Variants in PLCL1 observed in about 807,000 individuals in gnomAD.
PLCL1 encodes the protein phospholipase C like 1 (inactive).
Under a neutral mutation model 84.4 loss-of-function variants are expected in PLCL1, and 41 were observed. The observed-to-expected ratio is 0.49, with a 90% CI of 0.38 to 0.63. The LOEUF is 0.63. Among genes scored for constraint, PLCL1 ranks in the 30% least tolerant of loss-of-function variants. The pLI, the probability that PLCL1 is intolerant of heterozygous loss-of-function variation, is 0.00. For synonymous variants in PLCL1, 490 were observed against 488.3 expected, an observed-to-expected ratio of 1.00 and a Z score of -0.05; for missense variants, 1,206 against 1,367.8, an observed-to-expected ratio of 0.88 and a Z score of 1.87.
intron 1 of PLCL1, among the ~76,000 whole-genome samples, chr2:198,041,020 C>T (rs1439096483): frequency 6.6e-6 from 1 of 152,148 alleles, no homozygotes; most frequent in Non-Finnish European, 1.5e-5. Context: ...GCATAAGTTG[C>T]TCCCAGTTTG....
At chr2:198,100,971 G>A (rs1438653665) in intron 3 of PLCL1, among the ~76,000 whole-genome samples, 1 of 151,988 alleles carries the variant, frequency 6.6e-6, no homozygotes, top group Non-Finnish European at 1.5e-5. Flanking sequence ...TTAAGGGAGT[G>A]GAATTAGGTA....
intron 1 of PLCL1, among the ~76,000 whole-genome samples, chr2:197,973,762 G>A (rs1227642260): frequency 6.6e-6 from 1 of 152,214 alleles, no homozygotes; most frequent in African/African-American, 2.4e-5. Context: ...GGGCAGGCGT[G>A]AGGTCAAGTG....
chr2:197,990,997 CG>C (rs1690335529), intron 1 of PLCL1, among the ~76,000 whole-genome samples: 2 of 152,156 alleles, frequency 1.3e-5, no homozygotes, highest in Non-Finnish European at 2.9e-5. Flanking sequence ...GTTAATTTTA[CG>C]GTCAATTTGA....
intron 1 of PLCL1, among the ~76,000 whole-genome samples, chr2:197,922,364 G>C (rs1161320718): frequency 1.0e-5 from 1 of 98,078 alleles, no homozygotes; most frequent in Non-Finnish European, 2.1e-5. Flanking sequence ...CAAGGCAGAA[G>C]AATTTTTCTT....
chr2:198,020,438 C>T (rs1334234771), intron 1 of PLCL1, among the ~76,000 whole-genome samples: 1 of 151,986 alleles, frequency 6.6e-6, no homozygotes, highest in African/African-American at 2.4e-5. Context: ...AAGACACAGA[C>T]TGGCAAATTG....
In PLCL1 at chr2:197,989,545, G is replaced by C. The variant is rs527533403; in HGVS notation, c.241-94213G>C. Among the ~76,000 whole-genome samples, 12 of 152,212 alleles carry C rather than the reference G, an allele frequency of 7.9e-5. No individual in the cohort carries two copies. In the South Asian group the frequency reaches 2.3e-3, roughly 29 times the overall value. On this transcript the variant is annotated intron_variant, in intron 1 of 5. Coordinates refer to ENST00000428675, the MANE Select transcript of PLCL1 (RefSeq NM_006226.4). ...AGAGATGGTTTCCAAAACTGACCAA[G>C]TGAGCTTGGTGCTAAGATCATAATA... is the stretch of plus-strand genomic sequence containing the variant.
intron 5 of PLCL1, among the ~76,000 whole-genome samples, chr2:198,139,014 G>A (rs1364621423): frequency 6.6e-6 from 1 of 152,106 alleles, no homozygotes; most frequent in Non-Finnish European, 1.5e-5. Context: ...AATCAACTGG[G>A]TCTGGTGGCC....
chr2:198,025,160 T>G (rs1691233755), intron 1 of PLCL1, among the ~76,000 whole-genome samples: 1 of 152,124 alleles, frequency 6.6e-6, no homozygotes, highest in Non-Finnish European at 1.5e-5. Flanking sequence ...CAAGGTACAT[T>G]TGGAGTATTC....
At chr2:197,998,709 T>C (rs1454029974) in intron 1 of PLCL1, among the ~76,000 whole-genome samples, 1 of 152,168 alleles carries the variant, frequency 6.6e-6, no homozygotes, top group Non-Finnish European at 1.5e-5. Context: ...AATGAATTTG[T>C]CCTTCTGCCT....
chr2:197,882,030 T>C (rs557600217), intron 1 of PLCL1, among the ~76,000 whole-genome samples: 86 of 152,190 alleles, frequency 5.7e-4, no homozygotes, highest in African/African-American at 2.0e-3. Context: ...TTTGAATAAA[T>C]GAATGAGAGT....
intron 1 of PLCL1, among the ~76,000 whole-genome samples, chr2:198,083,353 A>C (rs146395183): frequency 1.1e-3 from 169 of 152,350 alleles, no homozygotes; most frequent in African/African-American, 3.9e-3. Context: ...AACTTTAAGA[A>C]AACCTCTTTA....
chr2:198,067,732 C>G (rs1692354640), intron 1 of PLCL1, among the ~76,000 whole-genome samples: 1 of 152,148 alleles, frequency 6.6e-6, no homozygotes, highest in Non-Finnish European at 1.5e-5. Flanking sequence ...TGTTCAGTCT[C>G]CTGTGTCTTG....
intron 1 of PLCL1, among the ~76,000 whole-genome samples, chr2:198,054,129 A>G (rs760501636): frequency 1.1e-4 from 16 of 152,254 alleles, no homozygotes; most frequent in Non-Finnish European, 1.8e-4. Flanking sequence ...AGACATAACA[A>G]TTGCAAATAT....
intron 1 of PLCL1, among the ~76,000 whole-genome samples, chr2:197,871,125 G>C (rs1461879179): frequency 6.6e-6 from 1 of 152,052 alleles, no homozygotes; most frequent in African/African-American, 2.4e-5. Context: ...AGGAATGAGA[G>C]GTACATTTAA....
At chr2:197,874,783 T>A (rs1687706420) in intron 1 of PLCL1, among the ~76,000 whole-genome samples, 2 of 152,186 alleles carry the variant, frequency 1.3e-5, no homozygotes, top group Non-Finnish European at 2.9e-5. Context: ...TTTATGCTTG[T>A]TTTCTAGGGT....
intron 1 of PLCL1, among the ~76,000 whole-genome samples, chr2:198,016,200 G>A (rs1398729298): frequency 6.6e-6 from 1 of 152,148 alleles, no homozygotes; most frequent in African/African-American, 2.4e-5. Context: ...CTGATCCACA[G>A]AGTCTTTTAC....
intron 1 of PLCL1, among the ~76,000 whole-genome samples, chr2:198,076,207 T>G (rs1692574480): frequency 6.6e-6 from 1 of 151,996 alleles, no homozygotes; most frequent in Non-Finnish European, 1.5e-5. Flanking sequence ...TAGCTTTGCC[T>G]GTAGAACATC....
chr2:197,910,245 G>C (rs1688459734), intron 1 of PLCL1, among the ~76,000 whole-genome samples: 1 of 152,196 alleles, frequency 6.6e-6, no homozygotes, highest in South Asian at 2.1e-4. Context: ...TTCTTTCCTA[G>C]CTGCACGATT....
At chr2:198,017,185 G>A (rs1691018351) in intron 1 of PLCL1, among the ~76,000 whole-genome samples, 1 of 152,094 alleles carries the variant, frequency 6.6e-6, no homozygotes, top group South Asian at 2.1e-4. Context: ...CATTTAACAT[G>A]CTCCAAAAAC....
Sources: gnomAD v4.1 joint callset for allele counts (sites outside exome capture counted in the v4.1 genomes callset) on GRCh38, gnomAD v4.1.1 for gene constraint, MANE v1.5 for transcripts, NCBI Gene and HGNC (gene_info 2026-07-23, HGNC 2026-07-21) for gene names.